RPF1: variants seen among roughly 807,000 people sequenced by gnomAD.
RPF1 encodes the protein ribosome production factor 1.
In RPF1, 34 loss-of-function variants were observed where a neutral mutation model predicts 41.9. The ratio of observed to expected loss-of-function variants is 0.81; its 90% CI spans 0.62 to 1.08. RPF1 has a LOEUF of 1.08. Among genes scored for constraint, RPF1 ranks in the 50% least tolerant of loss-of-function variants. The probability of loss-of-function intolerance (pLI) is 0.00; values close to 1 mark genes in which losing one functional copy is unlikely to be tolerated. For missense variants in RPF1, 425 were observed against 435.2 expected, an observed-to-expected ratio of 0.98 and a Z score of 0.21; for synonymous variants, 140 against 148.9, an observed-to-expected ratio of 0.94 and a Z score of 0.43.
intron 3 of RPF1, 51 bp downstream of exon 3, chr1:84,483,046 A>G (rs1459307452): frequency 1.7e-6 from 2 of 1,178,498 alleles, no homozygotes; most frequent in African/African-American, 1.5e-5. Flanking sequence ...TAATTGATAA[A>G]TTATATGTTT....
At position 84,490,466 on chromosome 1, in the gene RPF1, A is replaced by T; in HGVS notation, c.610A>T (p.Thr204Ser). ...GATTGTTATTAATGAAGATCGTAAAACCCCAAGTATCCTTTTTTTTTTTAA... is the reference window on the plus strand; with the variant it reads ...GATTGTTATTAATGAAGATCGTAAATCCCCAAGTATCCTTTTTTTTTTTAA... ...DLIVINEDRK[T>S]PNGLILSHLP... Residue 204 changes from threonine to serine, a missense_variant, in exon 5 of 9, where the codon ACC (threonine) becomes TCC (serine). Coordinates refer to ENST00000370654, the MANE Select transcript of RPF1 (RefSeq NM_025065.7). 6.3e-7 allele frequency: 1 copy of T among 1,575,440 alleles called. No individual in the cohort carries two copies. The highest frequency in any genetic ancestry group is 8.6e-7 in the Non-Finnish European group (1 of 1,168,314).
At chr1:84,491,651 T>G (rs1372659045) in intron 5 of RPF1, among the ~76,000 whole-genome samples, 1 of 152,220 alleles carries the variant, frequency 6.6e-6, no homozygotes. Flanking sequence ...GCTGCCTCTT[T>G]TTCTTTTTTT....
rs17110119 is a variant in RPF1 at position 84,480,912 on chromosome 1, C to G, written c.229-44C>G. 4.4e-3 allele frequency: 4,588 copies of G among 1,031,568 alleles called. 68 individuals are homozygous for G. The African/African-American group carries it at 0.045, about 10-fold the overall frequency. 63.9% of individuals were successfully genotyped at this position (1,031,568 alleles called of 1,614,324 possible). On this transcript the variant is annotated intron_variant, in intron 1 of 8. Transcript: ENST00000370654. ...GTTTCAGTATGTGTTTGTGATATAA[C>G]TGGTTGTTTCTCAGTATTGTTCTCT...
chr1:84,488,775 TATTAG>T (rs1429870788), intron 3 of RPF1, among the ~76,000 whole-genome samples: 1 of 152,156 alleles, frequency 6.6e-6, no homozygotes, highest in Non-Finnish European at 1.5e-5. Context: ...TGTAGAATGT[TATTAG>T]ATGTTTTCTT....
At chr1:84,495,753 G>T (rs1282538644) in intron 6 of RPF1, 129 bp from the exon 7 acceptor site, 2 of 605,422 alleles carry the variant, frequency 3.3e-6, no homozygotes, top group African/African-American at 3.7e-5. Context: ...TAAGCCATCT[G>T]TGGTAGTTTG....
chr1:84,496,932 C>T (rs908150358), intron 8 of RPF1, among the ~76,000 whole-genome samples: 1 of 151,930 alleles, frequency 6.6e-6, no homozygotes, highest in East Asian at 1.9e-4. Context: ...AGTGCAGGGG[C>T]GCCATCTCGA....
intron 3 of RPF1, among the ~76,000 whole-genome samples, chr1:84,487,784 C>A (rs1346888617): frequency 6.6e-6 from 1 of 152,060 alleles, no homozygotes; most frequent in Non-Finnish European, 1.5e-5. Context: ...CAGTTACTTT[C>A]CTTCCTGTCT....
In RPF1 at chr1:84,479,274, C is replaced by A; in HGVS notation, c.-8C>A. ...CCGTTTCCGTACGGAAGCAAAGGAG[C>A]CAAGACCATGGCGAAAGCCGGGGAT... On this transcript the variant is annotated 5_prime_UTR_variant, in exon 1 of 9. Coordinates refer to ENST00000370654, the MANE Select transcript of RPF1 (RefSeq NM_025065.7). 1 of 1,590,652 alleles carries A rather than the reference C, an allele frequency of 6.3e-7. No homozygotes were observed. The highest frequency in any genetic ancestry group is 8.6e-7 in the Non-Finnish European group (1 of 1,169,096).
rs1454706942 is a variant in RPF1 at position 84,481,023 on chromosome 1, T to C, written c.285+11T>C. Reference sequence around the variant, plus strand: ...GCTCTTGGCGATAAGGTAAATAAAATTTTTAGCTGTTTGCTTTCTATCTTA... The same window carrying C: ...GCTCTTGGCGATAAGGTAAATAAAACTTTTAGCTGTTTGCTTTCTATCTTA... On this transcript the variant is annotated intron_variant, in intron 2 of 8. Transcript: ENST00000370654. The C allele has an allele frequency of 2.6e-6, 4 of 1,524,056 alleles. No homozygotes were observed. In the Middle Eastern group the frequency reaches 5.2e-4, roughly 198 times the overall value. 94.4% of individuals were successfully genotyped at this position (1,524,056 alleles called of 1,614,324 possible). A position where few individuals can be genotyped will look rare whatever the true frequency, so the allele number is the denominator to read the frequency against.
chr1:84,479,272 A>C lies in RPF1; in HGVS notation c.-10A>C. 1.9e-6 allele frequency: 3 copies of C among 1,588,096 alleles called. No homozygotes were observed. Among genetic ancestry groups the C allele is most frequent in the Admixed American group, 1.8e-5 (1 of 54,952 alleles). ...TTCCGTTTCCGTACGGAAGCAAAGGAGCCAAGACCATGGCGAAAGCCGGGG... is the reference window on the plus strand; with the variant it reads ...TTCCGTTTCCGTACGGAAGCAAAGGCGCCAAGACCATGGCGAAAGCCGGGG... On this transcript the variant is annotated 5_prime_UTR_variant, in exon 1 of 9. Transcript: ENST00000370654.
At chr1:84,489,986 G>C (rs995453904) in intron 4 of RPF1, among the ~76,000 whole-genome samples, 6 of 152,180 alleles carry the variant, frequency 3.9e-5, no homozygotes, top group Admixed American at 3.9e-4. Context: ...GTTCATTACA[G>C]GATGTTTAGC....
intron 3 of RPF1, among the ~76,000 whole-genome samples, chr1:84,486,587 C>CA (rs896267195): frequency 0.12 from 7,862 of 63,610 alleles, 858 homozygotes; most frequent in African/African-American, 0.24. Flanking sequence ...GACTCCGTCT[C>CA]AAAAAAAAAA....
chr1:84,487,958 A>T (rs1681763297), intron 3 of RPF1, among the ~76,000 whole-genome samples: 1 of 152,114 alleles, frequency 6.6e-6, no homozygotes, highest in African/African-American at 2.4e-5. Context: ...GCCTTTCCCC[A>T]CAATGAATTG....
chr1:84,491,593 C>A (rs1453514859), intron 5 of RPF1, among the ~76,000 whole-genome samples: 1 of 152,144 alleles, frequency 6.6e-6, no homozygotes, highest in Non-Finnish European at 1.5e-5. Flanking sequence ...TATCTAAAAT[C>A]TCTTGAATAC....
chr1:84,489,142 A>T (rs1266808038), intron 3 of RPF1, among the ~76,000 whole-genome samples: 1 of 152,068 alleles, frequency 6.6e-6, no homozygotes, highest in African/African-American at 2.4e-5. Context: ...ATTTTTTCTA[A>T]TATGAGCAGG....
chr1:84,493,489 T>C (rs2101887020), intron 5 of RPF1, among the ~76,000 whole-genome samples: 1 of 150,730 alleles, frequency 6.6e-6, no homozygotes, highest in South Asian at 2.1e-4. Flanking sequence ...ACTTGGGAGG[T>C]TGAGGTGGGA....
chr1:84,481,071 T>C (rs1570343577), intron 2 of RPF1, 59 bp downstream of exon 2: 1 of 893,880 alleles, frequency 1.1e-6, no homozygotes, highest in Non-Finnish European at 1.8e-6. Flanking sequence ...CCTCCTGATA[T>C]TTAAGTTGAA....
intron 3 of RPF1, among the ~76,000 whole-genome samples, chr1:84,487,619 T>C (rs1681758426): frequency 6.6e-6 from 1 of 152,110 alleles, no homozygotes; most frequent in South Asian, 2.1e-4. Context: ...TTTGAAAAAT[T>C]AGCACTTAAA....
chr1:84,486,587 CAA>C (rs896267195), intron 3 of RPF1, among the ~76,000 whole-genome samples: 23 of 64,524 alleles, frequency 3.6e-4, no homozygotes, highest in Non-Finnish European at 5.9e-4. Flanking sequence ...GACTCCGTCT[CAA>C]AAAAAAAAAA....
Sources: gnomAD v4.1 joint callset for allele counts (sites outside exome capture counted in the v4.1 genomes callset) on GRCh38, gnomAD v4.1.1 for gene constraint, MANE v1.5 for transcripts, NCBI Gene and HGNC (gene_info 2026-07-23, HGNC 2026-07-21) for gene names.